CEP70: variants seen among roughly 807,000 people sequenced by gnomAD.
CEP70 encodes the protein centrosomal protein of 70 kDa.
In CEP70, 70 loss-of-function variants were observed where a neutral mutation model predicts 90.9. The ratio of observed to expected loss-of-function variants is 0.77; its 90% confidence interval spans 0.64 to 0.94. The LOEUF is 0.94. Ranked by LOEUF, CEP70 falls within the 40% of genes least tolerant of loss-of-function variation. The probability of loss-of-function intolerance (pLI) is 0.00; values close to 1 mark genes in which losing one functional copy is unlikely to be tolerated. For synonymous variants in CEP70, 220 were observed against 228.3 expected (o/e 0.96, Z 0.33); for missense variants, 648 against 669.0 (o/e 0.97, Z 0.35).
At chr3:138,523,849 T>C (rs533148114) in intron 11 of CEP70, among the ~76,000 whole-genome samples, 7,131 of 151,952 alleles carry the variant, frequency 0.047, 533 homozygotes, top group African/African-American at 0.16. Flanking sequence ...ACCACTGACT[T>C]TCTTCACAGA....
intron 6 of CEP70, among the ~76,000 whole-genome samples, chr3:138,561,983 A>C (rs1262599714): frequency 6.7e-6 from 1 of 150,190 alleles, no homozygotes; most frequent in African/African-American, 2.5e-5. Context: ...AGATTGTGCC[A>C]CTGCACTCTG....
intron 17 of CEP70, chr3:138,496,244 T>G (rs1403992954): frequency 1.0e-6 from 1 of 985,444 alleles, no homozygotes; most frequent in Non-Finnish European, 1.2e-6. Flanking sequence ...CTCTCTCCAT[T>G]GTGTAGCTGG....
At chr3:138,534,816 C>T (rs1316823228) in intron 7 of CEP70, among the ~76,000 whole-genome samples, 3 of 152,148 alleles carry the variant, frequency 2.0e-5, no homozygotes, top group East Asian at 1.9e-4. Context: ...GTTTCTTCCC[C>T]GTTCCTTCAA....
intron 13 of CEP70, among the ~76,000 whole-genome samples, chr3:138,501,885 T>G (rs1162699314): frequency 1.3e-5 from 2 of 152,200 alleles, no homozygotes; most frequent in Non-Finnish European, 2.9e-5. Flanking sequence ...GAATTTCGGA[T>G]TTTTGGATCA....
At chr3:138,573,126 G>A in intron 2 of CEP70, 194 bp from the exon 3 acceptor site, 1 of 578,782 alleles carries the variant, frequency 1.7e-6, no homozygotes, top group Non-Finnish European at 3.0e-6. Context: ...AGACTCATTT[G>A]AATAAACCCT....
rs148170678 is a variant in CEP70 at position 138,528,954 on chromosome 3, T to C, written c.869+245A>G. Among the ~76,000 whole-genome samples, 853 of 152,204 alleles carry C rather than the reference T, an allele frequency of 5.6e-3. 7 individuals carry two copies. Among genetic ancestry groups the C allele is most frequent in the African/African-American group, 0.02 (821 of 41,516 alleles). On this transcript the variant is annotated intron_variant, in intron 10 of 17. Transcript: ENST00000264982. ...TTGCAGTGAGCTGAGATCGCGCCAC[T>C]GCACTCCAGCCTGGGTGACAGAGTA...
chr3:138,566,479 G>T (rs1303486430), intron 6 of CEP70, among the ~76,000 whole-genome samples: 1 of 152,072 alleles, frequency 6.6e-6, no homozygotes, highest in South Asian at 2.1e-4. Flanking sequence ...TATACATCAC[G>T]GAATACTATG....
At chr3:138,527,664 CA>C (rs1421572818) in intron 10 of CEP70, among the ~76,000 whole-genome samples, 1 of 147,390 alleles carries the variant, frequency 6.8e-6, no homozygotes, top group Non-Finnish European at 1.5e-5. Flanking sequence ...CACAGCACTC[CA>C]GCCTGGGCGA....
intron 6 of CEP70, among the ~76,000 whole-genome samples, chr3:138,554,425 C>T (rs192505112): frequency 1.1e-3 from 160 of 152,218 alleles, no homozygotes; most frequent in South Asian, 3.9e-3. Context: ...GATGCCTACT[C>T]TCACCACTTC....
intron 6 of CEP70, among the ~76,000 whole-genome samples, chr3:138,566,380 G>A (rs752573260): frequency 1.3e-5 from 2 of 152,114 alleles, no homozygotes; most frequent in African/African-American, 4.8e-5. Flanking sequence ...ACATGCACAC[G>A]TTTATTGCAG....
intron 6 of CEP70, among the ~76,000 whole-genome samples, chr3:138,562,527 C>A (rs2040489164): frequency 6.6e-6 from 1 of 152,224 alleles, no homozygotes. Context: ...AGAAACCCTA[C>A]AAGCCAGAGG....
In CEP70 at chr3:138,524,024, G is replaced by A. The variant is rs2036955434; in HGVS notation, c.944+1466C>T. On this transcript the variant is annotated intron_variant, in intron 11 of 17. Coordinates refer to ENST00000264982, the MANE Select transcript of CEP70 (RefSeq NM_024491.4). ...ACAGCATGGTACTGGTACCAAAACA[G>A]ATACATAGAACAATGGAACAGAACA... 7.5e-5 allele frequency among the ~76,000 whole-genome samples: 8 copies of A among 106,288 alleles called. 3 individuals carry two copies. 69.7% of individuals were successfully genotyped at this position (106,288 alleles called of 152,430 possible).
intron 6 of CEP70, among the ~76,000 whole-genome samples, chr3:138,544,325 C>T (rs1430380405): frequency 1.3e-5 from 2 of 149,840 alleles, no homozygotes; most frequent in Non-Finnish European, 3.0e-5. Context: ...GATATCATCT[C>T]ACTCCAGTTA....
At chr3:138,500,704 A>AT in intron 14 of CEP70, 31 bp downstream of exon 14, 2 of 1,550,282 alleles carry the variant, frequency 1.3e-6, no homozygotes, top group South Asian at 1.3e-5. Flanking sequence ...GATAAGAAAC[A>AT]TTAGAAGGTG....
intron 11 of CEP70, among the ~76,000 whole-genome samples, chr3:138,519,327 G>A (rs2036373501): frequency 6.6e-6 from 1 of 152,128 alleles, no homozygotes; most frequent in African/African-American, 2.4e-5. Context: ...AGGAAATACA[G>A]AGAATGCCAC....
At chr3:138,541,865 T>C (rs1384801623) in intron 6 of CEP70, among the ~76,000 whole-genome samples, 1 of 152,146 alleles carries the variant, frequency 6.6e-6, no homozygotes, top group African/African-American at 2.4e-5. Context: ...CTACCAAAAA[T>C]ACAAAAAGTT....
intron 2 of CEP70, among the ~76,000 whole-genome samples, chr3:138,581,970 T>G (rs1425254343): frequency 6.6e-6 from 1 of 152,036 alleles, no homozygotes; most frequent in Non-Finnish European, 1.5e-5. Context: ...GCATGACATA[T>G]TTAAAATGCT....
At position 138,508,514 on chromosome 3, in the gene CEP70, A is replaced by G. The variant is rs758270069; in HGVS notation, c.975T>C (p.Ala325=). Residue 325 remains alanine, a synonymous_variant, in exon 12 of 18, where the codon GCT becomes GCC. Coordinates refer to ENST00000264982, the MANE Select transcript of CEP70 (RefSeq NM_024491.4). ...GCTCATCTTTCTTCTCTGTGTCCTC[A>G]GCCTTCTTATGATTAATAAGCTCCT... The part of the protein sequence containing the change: ...KLQELINHKK[A]EDTEKKDEPS... The G allele has an allele frequency of 3.6e-5, 58 of 1,611,974 alleles. No individual in the cohort carries two copies. The highest frequency in any genetic ancestry group is 3.0e-5 in the Non-Finnish European group (35 of 1,178,378).
At chr3:138,567,831 T>C (rs2040891646) in intron 6 of CEP70, among the ~76,000 whole-genome samples, 1 of 152,168 alleles carries the variant, frequency 6.6e-6, no homozygotes, top group Non-Finnish European at 1.5e-5. Context: ...TTCATAAACT[T>C]GTTTGTTTTT....
Sources: gnomAD v4.1 joint callset for allele counts (sites outside exome capture counted in the v4.1 genomes callset) on GRCh38, gnomAD v4.1.1 for gene constraint, MANE v1.5 for transcripts, NCBI Gene and HGNC (gene_info 2026-07-23, HGNC 2026-07-21) for gene names.